DOCK9: variants seen among roughly 807,000 people sequenced by gnomAD.
DOCK9 encodes dedicator of cytokinesis 9, also known as dedicator of cytokinesis protein 9.
DOCK9 carries 89 observed loss-of-function variants against 263.3 expected under a neutral mutation model. The ratio of observed to expected loss-of-function variants is 0.34; its 90% CI spans 0.28 to 0.40. DOCK9 has a LOEUF of 0.40. DOCK9 is among the 10% of genes least tolerant of loss of function. The pLI, the probability that DOCK9 is intolerant of heterozygous loss-of-function variation, is 1.00. For synonymous variants in DOCK9, 976 were observed against 973.1 expected, an observed-to-expected ratio of 1.00 and a Z score of -0.06; for missense variants, 2,140 against 2,603.4, an observed-to-expected ratio of 0.82 and a Z score of 3.87.
intron 1 of DOCK9, among the ~76,000 whole-genome samples, chr13:99,069,232 T>C (rs919447934): frequency 6.6e-6 from 1 of 152,232 alleles, no homozygotes; most frequent in Non-Finnish European, 1.5e-5. Context: ...ACTAAATTAG[T>C]TCTTCCTTCA....
At chr13:98,806,908 C>CA (rs35437169) in intron 48 of DOCK9, among the ~76,000 whole-genome samples, 218 of 126,574 alleles carry the variant, frequency 1.7e-3, no homozygotes, top group Middle Eastern at 4.8e-3. Flanking sequence ...GACTCCATCT[C>CA]AAAAAAAAAA....
chr13:99,063,448 G>A (rs1164358582), intron 1 of DOCK9, among the ~76,000 whole-genome samples: 1 of 152,194 alleles, frequency 6.6e-6, no homozygotes, highest in Non-Finnish European at 1.5e-5. Flanking sequence ...CCTCCACCCT[G>A]CGACTCCCAC....
rs746762705 is a variant in DOCK9, at chr13:98,825,912, G to C, written c.5023+918C>G. The C allele has an allele frequency of 1.5e-5, 23 of 1,555,374 alleles. No individual in the cohort carries two copies. Among genetic ancestry groups the C allele is most frequent in the Non-Finnish European group, 2.0e-5 (23 of 1,149,750 alleles). The stretch of plus-strand genomic sequence containing the variant: ...TCAGGCAGGCGCTATGGCTGTGGGG[G>C]AGAAGGGGCGGCTCCCACTGGACTG... On this transcript the variant is annotated intron_variant, in intron 44 of 52. Transcript: ENST00000682017. The surrounding 1 kb of genome is among the most constrained non-coding windows in gnomAD (Gnocchi z 4.1).
At chr13:98,921,193 T>G (rs1396441949) in intron 6 of DOCK9, 105 bp from the exon 7 acceptor site, 1 of 1,171,070 alleles carries the variant, frequency 8.5e-7, no homozygotes, top group African/African-American at 1.5e-5. Flanking sequence ...CCTGTTTCCG[T>G]TCTCACTCTA....
At chr13:98,880,438 G>C (rs796397614) in intron 26 of DOCK9, 109 bp downstream of exon 26, 3 of 1,413,198 alleles carry the variant, frequency 2.1e-6, no homozygotes, top group Non-Finnish European at 2.9e-6. Flanking sequence ...CCTTTTTAGG[G>C]AGTGGTGTTT....
chr13:99,028,262 G>A (rs968248330), intron 1 of DOCK9, among the ~76,000 whole-genome samples: 2 of 152,194 alleles, frequency 1.3e-5, no homozygotes, highest in African/African-American at 2.4e-5. Flanking sequence ...CACTGCCAGT[G>A]GGGGTGAGAG....
chr13:98,909,875 A>C (rs2049731805), intron 9 of DOCK9, among the ~76,000 whole-genome samples: 1 of 152,222 alleles, frequency 6.6e-6, no homozygotes, highest in African/African-American at 2.4e-5. Flanking sequence ...ATAAAGTCTG[A>C]GACATCATAC....
chr13:98,910,326 T>C (rs1343679522), intron 9 of DOCK9, among the ~76,000 whole-genome samples: 1 of 152,190 alleles, frequency 6.6e-6, no homozygotes, highest in Admixed American at 6.5e-5. Flanking sequence ...CTACACACTG[T>C]TACATTTACA....
chr13:98,849,938 G>A, intron 36 of DOCK9, 109 bp downstream of exon 36: 1 of 761,010 alleles, frequency 1.3e-6, no homozygotes, highest in Non-Finnish European at 2.2e-6. Context: ...AGGAGTAAGT[G>A]AGGATGTGAC....
chr13:98,945,543 T>C (rs76247123), intron 2 of DOCK9, among the ~76,000 whole-genome samples: 254 of 152,284 alleles, frequency 1.7e-3, no homozygotes, highest in Non-Finnish European at 3.1e-3. Flanking sequence ...CTCTCCAGCC[T>C]TGACTCCCTG....
At chr13:98,860,106 A>G (rs2093817892) in intron 33 of DOCK9, 1 of 1,110,792 alleles carries the variant, frequency 9.0e-7, no homozygotes, top group Non-Finnish European at 1.2e-6. Flanking sequence ...CCTTAACAGT[A>G]TACACAATCC....
intron 38 of DOCK9, among the ~76,000 whole-genome samples, chr13:98,842,556 T>C (rs765306684): frequency 1.3e-5 from 2 of 152,198 alleles, no homozygotes; most frequent in Non-Finnish European, 2.9e-5. Context: ...AAAGTAAACA[T>C]AGTGTTATTT....
At chr13:99,066,915 A>AG (rs2041444874) in intron 1 of DOCK9, among the ~76,000 whole-genome samples, 1 of 152,166 alleles carries the variant, frequency 6.6e-6, no homozygotes, top group Non-Finnish European at 1.5e-5. Context: ...ATATCCTATC[A>AG]CTACTCCCAT....
Position 98,804,626 on chromosome 13 carries a change from G to A in DOCK9, c.5725+373C>T, listed in dbSNP as rs147120045. Among the ~76,000 whole-genome samples the A allele has an allele frequency of 5.6e-4, 85 of 152,258 alleles. 1 individual carries two copies. The highest frequency in any genetic ancestry group is 1.9e-3 in the African/African-American group (81 of 41,552). On this transcript the variant is annotated intron_variant, in intron 49 of 52. Transcript: ENST00000682017. ...AGAACCTGAGACAGGTGTGTGAGAC[G>A]GGTCCCTCCCTGTGCGGAGACCCAG...
rs768773556 is a variant in DOCK9 at position 98,915,343 on chromosome 13, C to T, written c.878G>A (p.Gly293Asp). The T allele has an allele frequency of 1.2e-6, 2 of 1,613,662 alleles. No individual in the cohort carries two copies. The highest frequency in any genetic ancestry group is 1.7e-6 in the Non-Finnish European group (2 of 1,179,770). The change falls in exon 8 of 53, where the codon GGC (glycine) becomes GAC (aspartate). Residue 293 changes from glycine to aspartate, a missense_variant. By Grantham distance (94) the Gly-to-Asp change is moderately conservative (BLOSUM62 -1). Transcript: ENST00000682017. The part of the protein sequence containing the change: ...FEAAMQEKRN[G>D]DSHEDDEQSK... ...AGCCTATCTACCTTCGTGAGAGTCG[C>T]CATTTCGCTTTTCTTGCATTGCAGC... is the stretch of plus-strand genomic sequence containing the variant.
chr13:98,830,655 G>A (rs2092723771), intron 41 of DOCK9, among the ~76,000 whole-genome samples: 1 of 152,050 alleles, frequency 6.6e-6, no homozygotes, highest in Non-Finnish European at 1.5e-5. Flanking sequence ...ACATCCTCTA[G>A]GTGCCCCTCC....
At chr13:98,815,543 C>T (rs1284047632) in intron 45 of DOCK9, among the ~76,000 whole-genome samples, 1 of 152,148 alleles carries the variant, frequency 6.6e-6, no homozygotes. Context: ...TGCAGTGGCA[C>T]GATCTTGGCT....
At position 98,901,855 on chromosome 13, in the gene DOCK9, C is replaced by A. The variant is rs1411084837; in HGVS notation, c.1426G>T (p.Ala476Ser). ...CCCTGAAGGACTTTTTCAATTCTGGCCACAAGAAATATATCTGGATGAGGA... is the reference window on the plus strand; with the variant it reads ...CCCTGAAGGACTTTTTCAATTCTGGACACAAGAAATATATCTGGATGAGGA... ...TCPHPDIFLV[A>S]RIEKVLQGSI... Residue 476 changes from alanine (A) to serine (S), a missense_variant, in exon 13 of 53, where the codon GCC becomes TCC. This residue lies in a region of DOCK9 where 1,521 missense variants were observed against 1,741.7 expected (regional missense o/e 0.87). Transcript: ENST00000682017. The A allele has an allele frequency of 1.9e-6, 3 of 1,612,682 alleles. No individual in the cohort carries two copies. The highest frequency in any genetic ancestry group is 2.5e-6 in the Non-Finnish European group (3 of 1,179,362).
intron 26 of DOCK9, among the ~76,000 whole-genome samples, chr13:98,880,301 A>G (rs1194242552): frequency 6.6e-6 from 1 of 152,044 alleles, no homozygotes; most frequent in South Asian, 2.1e-4. Context: ...TCTCTAAGTC[A>G]TAGACCTTCA....
Sources: gnomAD v4.1 joint callset for allele counts (sites outside exome capture counted in the v4.1 genomes callset) on GRCh38, gnomAD v4.1.1 for gene constraint, gnomAD v4.1.1 regional missense constraint, Gnocchi (gnomAD v3.1) non-coding constraint, MANE v1.5 for transcripts, NCBI Gene and HGNC (gene_info 2026-07-23, HGNC 2026-07-21) for gene names.